Variants in SNAP91 observed in about 807,000 individuals in gnomAD.
SNAP91 encodes the protein clathrin coat assembly protein AP180.
A neutral mutation model predicts 100.3 loss-of-function variants in SNAP91; 27 were observed. The observed-to-expected ratio is 0.27, with a 90% CI of 0.20 to 0.37. The LOEUF is 0.37. Ranked by LOEUF, SNAP91 falls within the 10% of genes least tolerant of loss-of-function variation. SNAP91 has a pLI of 1.00. For missense variants in SNAP91, 986 were observed against 1,123.7 expected, an observed-to-expected ratio of 0.88 and a Z score of 1.75; for synonymous variants, 404 against 398.6, an observed-to-expected ratio of 1.01 and a Z score of -0.16.
At chr6:83,575,332 G>C in intron 25 of SNAP91, 1 of 549,860 alleles carries the variant, frequency 1.8e-6, no homozygotes, top group Non-Finnish European at 3.2e-6. Context: ...AAATCATTTA[G>C]AGTTTGGACC....
intron 26 of SNAP91, among the ~76,000 whole-genome samples, chr6:83,564,785 G>C (rs576213758): frequency 2.2e-4 from 33 of 151,462 alleles, no homozygotes; most frequent in African/African-American, 7.5e-4. Flanking sequence ...TAATGTAAGA[G>C]GTAAAACTAT....
chr6:83,567,429 A>C (rs1011504694), intron 26 of SNAP91, among the ~76,000 whole-genome samples: 10 of 152,220 alleles, frequency 6.6e-5, no homozygotes, highest in South Asian at 2.1e-4. Context: ...ACCATTCAGG[A>C]CATAGGCATG....
At chr6:83,595,478 C>T (rs2094357808) in intron 16 of SNAP91, among the ~76,000 whole-genome samples, 1 of 152,094 alleles carries the variant, frequency 6.6e-6, no homozygotes, top group Non-Finnish European at 1.5e-5. Context: ...TGTGTTTCTA[C>T]CAACAATGTT....
chr6:83,597,339 T>C (rs2094584203), intron 16 of SNAP91, among the ~76,000 whole-genome samples: 1 of 152,198 alleles, frequency 6.6e-6, no homozygotes. Context: ...AGAGATAAAA[T>C]TTGAATTTGT....
At chr6:83,554,659 GACCTT>G (rs1332306327) in intron 29 of SNAP91, among the ~76,000 whole-genome samples, 2 of 152,112 alleles carry the variant, frequency 1.3e-5, no homozygotes, top group African/African-American at 2.4e-5. Flanking sequence ...GCATGGCAAT[GACCTT>G]ACATTATTTT....
intron 5 of SNAP91, 144 bp from the exon 6 acceptor site, chr6:83,659,236 G>A (rs2098478811): frequency 1.6e-6 from 1 of 640,404 alleles, no homozygotes; most frequent in African/African-American, 1.8e-5. Flanking sequence ...CAAGGTTGTA[G>A]TCATTTCCCC....
chr6:83,690,902 T>C (rs1000074243), intron 2 of SNAP91, among the ~76,000 whole-genome samples: 5 of 152,100 alleles, frequency 3.3e-5, no homozygotes, highest in Admixed American at 6.5e-5. Flanking sequence ...AAATTTGGTA[T>C]ACATAATCAC....
intron 2 of SNAP91, chr6:83,685,987 C>T (rs2099054951): frequency 1.2e-5 from 2 of 162,588 alleles, no homozygotes; most frequent in Admixed American, 1.3e-4. Flanking sequence ...TTCTCTTATC[C>T]TTACCTCACA....
intron 26 of SNAP91, among the ~76,000 whole-genome samples, chr6:83,568,466 C>T (rs1800738516): frequency 8.2e-6 from 1 of 122,410 alleles, no homozygotes; most frequent in African/African-American, 2.9e-5. Flanking sequence ...GCACGTTGTG[C>T]ACATTAAAGT....
intron 7 of SNAP91, among the ~76,000 whole-genome samples, chr6:83,644,161 GA>G (rs1251635957): frequency 3.9e-5 from 6 of 151,990 alleles, no homozygotes; most frequent in Non-Finnish European, 7.4e-5. Flanking sequence ...AAATCAAGCT[GA>G]ATATCTCAAT....
intron 2 of SNAP91, among the ~76,000 whole-genome samples, chr6:83,704,512 C>A (rs1409828332): frequency 6.6e-6 from 1 of 152,096 alleles, no homozygotes; most frequent in African/African-American, 2.4e-5. Context: ...GTTAACAAAT[C>A]ATTTCTTCAA....
chr6:83,584,856 T>A (rs570900731), intron 22 of SNAP91, among the ~76,000 whole-genome samples: 1 of 152,342 alleles, frequency 6.6e-6, no homozygotes, highest in East Asian at 1.9e-4. Context: ...TTTGCCACTG[T>A]ACCACACAGC....
At chr6:83,612,439 A>C (rs12193842) in intron 11 of SNAP91, among the ~76,000 whole-genome samples, 46,720 of 152,066 alleles carry the variant, frequency 0.31, 7,341 homozygotes, top group South Asian at 0.35. Flanking sequence ...AAATAGTAGC[A>C]TGAATTCTAC....
chr6:83,685,896 T>A (rs140011967), intron 2 of SNAP91, among the ~76,000 whole-genome samples: 1 of 152,322 alleles, frequency 6.6e-6, no homozygotes, highest in East Asian at 1.9e-4. Flanking sequence ...TGTGCTTCCA[T>A]CTTTTTAAAA....
intron 2 of SNAP91, among the ~76,000 whole-genome samples, chr6:83,693,689 C>G (rs972188320): frequency 6.6e-6 from 1 of 152,162 alleles, no homozygotes; most frequent in African/African-American, 2.4e-5. Flanking sequence ...AAATCAAGAA[C>G]AACTACCTTT....
At chr6:83,592,081 T>C (rs1407986971) in intron 21 of SNAP91, among the ~76,000 whole-genome samples, 1 of 152,248 alleles carries the variant, frequency 6.6e-6, no homozygotes, top group African/African-American at 2.4e-5. Context: ...TATCTATTAA[T>C]AGGTCATGTT....
At chr6:83,684,211 C>A (rs1409815142) in intron 2 of SNAP91, among the ~76,000 whole-genome samples, 1 of 152,108 alleles carries the variant, frequency 6.6e-6, no homozygotes, top group African/African-American at 2.4e-5. Context: ...TCTGGACTGG[C>A]ATTAAATACC....
At chr6:83,624,374 A>G (rs958295946) in intron 8 of SNAP91, among the ~76,000 whole-genome samples, 2 of 152,126 alleles carry the variant, frequency 1.3e-5, no homozygotes, top group Admixed American at 1.3e-4. Flanking sequence ...GTTCAAAGAA[A>G]CAAAGTGGGT....
chr6:83,662,248 A>C (rs1188378859), intron 4 of SNAP91, 99 bp downstream of exon 4: 6 of 414,806 alleles, frequency 1.4e-5, no homozygotes, highest in African/African-American at 1.2e-4. Flanking sequence ...ACATTCTTAA[A>C]TATTCAATGA....
Sources: allele counts gnomAD v4.1 joint callset (sites outside exome capture counted in the v4.1 genomes callset), GRCh38; gene constraint gnomAD v4.1.1; transcripts MANE v1.5; gene names NCBI Gene and HGNC (gene_info 2026-07-23, HGNC 2026-07-21).